The following NDUFS4 variants were observed in gnomAD, a reference collection of about 807,000 sequenced individuals.
The protein encoded by NDUFS4 is NADH:ubiquinone oxidoreductase subunit S4, also known as NADH dehydrogenase [ubiquinone] iron-sulfur protein 4, mitochondrial.
NDUFS4 carries 28 observed loss-of-function variants against 24.3 expected under a neutral mutation model. The observed-to-expected ratio is 1.15, with a 90% CI of 0.85 to 1.58. The LOEUF is 1.58. NDUFS4 is among the 40% of genes most tolerant of loss of function. NDUFS4 has a pLI of 0.00. For missense variants in NDUFS4, 223 were observed against 207.9 expected (o/e 1.07, Z -0.45); for synonymous variants, 93 against 69.7 (o/e 1.34, Z -1.67).
At chr5:53,619,837 T>C (rs971521037) in intron 2 of NDUFS4, among the ~76,000 whole-genome samples, 5 of 152,190 alleles carry the variant, frequency 3.3e-5, no homozygotes, top group Non-Finnish European at 7.4e-5. Context: ...TAATCTTTCA[T>C]TGTATGGCTG....
intron 4 of NDUFS4, among the ~76,000 whole-genome samples, chr5:53,663,384 C>T (rs1273690468): frequency 1.3e-5 from 2 of 152,054 alleles, no homozygotes; most frequent in Admixed American, 6.5e-5. Flanking sequence ...CCTGGGTATC[C>T]TTGTTAACTT....
chr5:53,614,329 A>G (rs957280455), intron 2 of NDUFS4, among the ~76,000 whole-genome samples: 2 of 151,978 alleles, frequency 1.3e-5, no homozygotes, highest in East Asian at 3.9e-4. Context: ...TGTACTAAAT[A>G]TCACAAAGAA....
intron 4 of NDUFS4, among the ~76,000 whole-genome samples, chr5:53,673,665 A>ACAT (rs1740364686): frequency 6.6e-6 from 1 of 152,204 alleles, no homozygotes; most frequent in Non-Finnish European, 1.5e-5. Context: ...AAACAAAAAC[A>ACAT]CATCTCATAA....
intron 4 of NDUFS4, among the ~76,000 whole-genome samples, chr5:53,665,194 G>C (rs1326022491): frequency 6.6e-6 from 1 of 152,152 alleles, no homozygotes; most frequent in Admixed American, 6.5e-5. Flanking sequence ...TGGAAGCTTT[G>C]TCTCAGAGGA....
intron 4 of NDUFS4, among the ~76,000 whole-genome samples, chr5:53,669,239 G>A (rs2111567164): frequency 6.6e-6 from 1 of 152,234 alleles, no homozygotes; most frequent in South Asian, 2.1e-4. Context: ...ATCTTCAAGA[G>A]TCTGTGTTTA....
chr5:53,564,517 T>C (rs1376953544), intron 1 of NDUFS4, among the ~76,000 whole-genome samples: 1 of 152,214 alleles, frequency 6.6e-6, no homozygotes, highest in African/African-American at 2.4e-5. Flanking sequence ...GTAGCAGACA[T>C]CTTCGTTGAA....
rs148996120 is a variant in NDUFS4, at chr5:53,625,094, C to T, written c.178-21139C>T. 1.5e-4 allele frequency among the ~76,000 whole-genome samples: 23 copies of T among 152,104 alleles called. No individual in the cohort carries two copies. In the East Asian group the frequency reaches 3.9e-3, roughly 26 times the overall value. The stretch of plus-strand genomic sequence containing the variant: ...CTGAGTAGCTGGGAATATAGGCACA[C>T]ACCACTATACCCAGATAGTTTTGGC... On this transcript the variant is annotated intron_variant, in intron 2 of 4. Transcript: ENST00000296684.
At chr5:53,615,813 T>A (rs772648318) in intron 2 of NDUFS4, among the ~76,000 whole-genome samples, 1 of 152,124 alleles carries the variant, frequency 6.6e-6, no homozygotes, top group Admixed American at 6.5e-5. Context: ...AAACAACATA[T>A]AGGATACAGA....
intron 2 of NDUFS4, among the ~76,000 whole-genome samples, chr5:53,637,606 T>TA (rs1276982219): frequency 6.6e-6 from 1 of 152,134 alleles, no homozygotes. Context: ...GTAAGCTGTA[T>TA]AGATAGCTTA....
At chr5:53,681,816 C>T (rs560649154) in intron 4 of NDUFS4, among the ~76,000 whole-genome samples, 1 of 151,974 alleles carries the variant, frequency 6.6e-6, no homozygotes, top group South Asian at 2.1e-4. Context: ...TTAAAATACG[C>T]TGTTAAATGT....
At chr5:53,600,427 A>G (rs542329055) in intron 1 of NDUFS4, among the ~76,000 whole-genome samples, 37 of 146,912 alleles carry the variant, frequency 2.5e-4, no homozygotes, top group African/African-American at 7.1e-4. Context: ...TCCTGCCTCA[A>G]CCTCCTGAGT....
At chr5:53,618,795 C>T (rs770838854) in intron 2 of NDUFS4, among the ~76,000 whole-genome samples, 4 of 152,044 alleles carry the variant, frequency 2.6e-5, no homozygotes, top group Non-Finnish European at 5.9e-5. Context: ...TATATTTGGT[C>T]ATTAAACCCT....
intron 2 of NDUFS4, among the ~76,000 whole-genome samples, chr5:53,643,695 G>A (rs964212957): frequency 1.3e-5 from 2 of 152,142 alleles, no homozygotes; most frequent in African/African-American, 4.8e-5. Flanking sequence ...TCTAGACTGA[G>A]AGTGTGCCTA....
At chr5:53,668,518 G>A (rs1306869416) in intron 4 of NDUFS4, among the ~76,000 whole-genome samples, 1 of 151,974 alleles carries the variant, frequency 6.6e-6, no homozygotes, top group African/African-American at 2.4e-5. Context: ...GAGTGCAATG[G>A]CATGATCTTG....
chr5:53,631,939 A>G (rs1481982681), intron 2 of NDUFS4, among the ~76,000 whole-genome samples: 1 of 152,186 alleles, frequency 6.6e-6, no homozygotes, highest in African/African-American at 2.4e-5. Context: ...ACAGTCTGTC[A>G]CAGCTTCCCT....
At chr5:53,566,302 T>C (rs1182188015) in intron 1 of NDUFS4, among the ~76,000 whole-genome samples, 1 of 152,242 alleles carries the variant, frequency 6.6e-6, no homozygotes, top group Non-Finnish European at 1.5e-5. Flanking sequence ...TTGTCTGTAC[T>C]GAATACAAAC....
chr5:53,664,971 G>A (rs180826146), intron 4 of NDUFS4, among the ~76,000 whole-genome samples: 2 of 152,072 alleles, frequency 1.3e-5, no homozygotes, highest in South Asian at 4.1e-4. Flanking sequence ...ATCTACCTTT[G>A]GTCTTTGATG....
intron 2 of NDUFS4, among the ~76,000 whole-genome samples, chr5:53,637,131 C>T (rs750062816): frequency 2.6e-5 from 4 of 152,152 alleles, no homozygotes; most frequent in Non-Finnish European, 2.9e-5. Flanking sequence ...AAAAGCCTCT[C>T]GAGACTAGAA....
At chr5:53,644,045 C>A (rs151198705) in intron 2 of NDUFS4, among the ~76,000 whole-genome samples, 2 of 152,210 alleles carry the variant, frequency 1.3e-5, no homozygotes, top group Non-Finnish European at 2.9e-5. Context: ...ACTGTCCTTT[C>A]TACTTTGTAG....
Sources: gnomAD v4.1 joint callset for allele counts (sites outside exome capture counted in the v4.1 genomes callset) on GRCh38, gnomAD v4.1.1 for gene constraint, MANE v1.5 for transcripts, NCBI Gene and HGNC (gene_info 2026-07-23, HGNC 2026-07-21) for gene names.